ARHGEF3: variants seen among roughly 807,000 people sequenced by gnomAD.
ARHGEF3 encodes 59.8 kDA protein.
ARHGEF3 carries 28 observed loss-of-function variants against 63.2 expected under a neutral mutation model. The observed-to-expected ratio is 0.44, with a 90% CI of 0.33 to 0.61. ARHGEF3 has a LOEUF of 0.61. Among genes scored for constraint, ARHGEF3 ranks in the 20% least tolerant of loss-of-function variants. The pLI, the probability that ARHGEF3 is intolerant of heterozygous loss-of-function variation, is 0.03. For synonymous variants in ARHGEF3, 266 were observed against 254.2 expected (o/e 1.05, Z -0.44); for missense variants, 533 against 659.3 (o/e 0.81, Z 2.10).
intron 3 of ARHGEF3, among the ~76,000 whole-genome samples, chr3:56,915,069 C>A (rs778913012): frequency 1.3e-5 from 2 of 151,980 alleles, no homozygotes; most frequent in East Asian, 1.9e-4. Flanking sequence ...TGGTCATACA[C>A]AAGAGCTGGA....
At chr3:56,858,944 A>G (rs2039975093) in intron 4 of ARHGEF3, among the ~76,000 whole-genome samples, 1 of 152,168 alleles carries the variant, frequency 6.6e-6, no homozygotes, top group Non-Finnish European at 1.5e-5. Context: ...CAGCCTGCTG[A>G]ACCCTATGGA....
intron 2 of ARHGEF3, among the ~76,000 whole-genome samples, chr3:57,016,346 A>G (rs985038851): frequency 1.3e-5 from 2 of 151,114 alleles, no homozygotes; most frequent in Non-Finnish European, 2.9e-5. Context: ...GTTCAATATC[A>G]GCCTGGTCAA....
intron 2 of ARHGEF3, among the ~76,000 whole-genome samples, chr3:56,986,094 T>A (rs1253203435): frequency 6.6e-6 from 1 of 152,200 alleles, no homozygotes; most frequent in Non-Finnish European, 1.5e-5. Flanking sequence ...TTTGGGGCTC[T>A]GGAGTCTAGG....
chr3:57,066,863 C>T (rs1481188469), intron 1 of ARHGEF3, among the ~76,000 whole-genome samples: 1 of 152,170 alleles, frequency 6.6e-6, no homozygotes, highest in Non-Finnish European at 1.5e-5. Flanking sequence ...CTCACTGCAA[C>T]TCTTCCCTGG....
chr3:56,882,486 C>T, intron 3 of ARHGEF3: 1 of 656,108 alleles, frequency 1.5e-6, no homozygotes, highest in Non-Finnish European at 2.6e-6. Context: ...AACCTTTAAC[C>T]AAGCTATGTA....
chr3:56,857,442 A>C (rs6445830), intron 4 of ARHGEF3, among the ~76,000 whole-genome samples: 148,961 of 152,290 alleles, frequency 0.98, 72,936 homozygotes, highest in East Asian at 1. Context: ...AAACATATCA[A>C]CCCAGTGGCT....
At chr3:56,739,343 A>AAATAAT (rs1260190405) in intron 7 of ARHGEF3, among the ~76,000 whole-genome samples, 2 of 151,848 alleles carry the variant, frequency 1.3e-5, no homozygotes, top group African/African-American at 4.8e-5. Flanking sequence ...TCATGTCTTA[A>AAATAAT]AATAATAATA....
intron 6 of ARHGEF3, among the ~76,000 whole-genome samples, chr3:56,745,878 A>G (rs751943146): frequency 1.7e-4 from 26 of 152,160 alleles, no homozygotes; most frequent in Non-Finnish European, 3.1e-4. Context: ...TCAACGTGTT[A>G]GCCAGCATAG....
intron 3 of ARHGEF3, among the ~76,000 whole-genome samples, chr3:56,949,631 G>A (rs1301346084): frequency 1.3e-5 from 2 of 151,872 alleles, no homozygotes; most frequent in Non-Finnish European, 2.9e-5. Flanking sequence ...AAATAAAAGA[G>A]GACACAAACA....
At chr3:56,801,329 C>A (rs577051276) in intron 1 of ARHGEF3, among the ~76,000 whole-genome samples, 6 of 152,118 alleles carry the variant, frequency 3.9e-5, no homozygotes, top group Non-Finnish European at 8.8e-5. Flanking sequence ...CTGACACTTC[C>A]CTGACACTGG....
At chr3:56,912,948 G>C (rs1343588799) in intron 3 of ARHGEF3, among the ~76,000 whole-genome samples, 1 of 152,072 alleles carries the variant, frequency 6.6e-6, no homozygotes, top group East Asian at 1.9e-4. Flanking sequence ...GACGAGCCTG[G>C]GCAACATTGC....
chr3:57,021,518 G>C (rs1703257772), intron 2 of ARHGEF3, among the ~76,000 whole-genome samples: 1 of 152,100 alleles, frequency 6.6e-6, no homozygotes, highest in Non-Finnish European at 1.5e-5. Flanking sequence ...AGCACTTTGG[G>C]AGGCCGAGGC....
At chr3:56,736,954 G>A (rs971484309) in intron 8 of ARHGEF3, among the ~76,000 whole-genome samples, 2 of 152,140 alleles carry the variant, frequency 1.3e-5, no homozygotes, top group Non-Finnish European at 2.9e-5. Context: ...AATTAGCTGG[G>A]CATGGTGGTG....
chr3:56,885,812 G>A (rs1332386379), intron 3 of ARHGEF3, among the ~76,000 whole-genome samples: 1 of 152,194 alleles, frequency 6.6e-6, no homozygotes, highest in East Asian at 1.9e-4. Flanking sequence ...AAAACTGCAT[G>A]AATTATGAAA....
At chr3:57,029,539 C>T (rs910645013) in intron 2 of ARHGEF3, among the ~76,000 whole-genome samples, 1 of 152,126 alleles carries the variant, frequency 6.6e-6, no homozygotes, top group Admixed American at 6.5e-5. Flanking sequence ...TCTACAGTAG[C>T]AGATGTAGGG....
intron 1 of ARHGEF3, among the ~76,000 whole-genome samples, chr3:57,041,477 C>T (rs1404108495): frequency 3.3e-5 from 5 of 152,176 alleles, no homozygotes; most frequent in Non-Finnish European, 5.9e-5. Context: ...CATAACAACC[C>T]CACCCTAATG....
chr3:56,839,579 G>A (rs902371571), intron 4 of ARHGEF3, among the ~76,000 whole-genome samples: 4 of 152,144 alleles, frequency 2.6e-5, no homozygotes, highest in African/African-American at 9.7e-5. Context: ...CAACTTTTCT[G>A]TAAATCTAAA....
intron 2 of ARHGEF3, among the ~76,000 whole-genome samples, chr3:57,024,671 T>C (rs989726086): frequency 6.6e-6 from 1 of 152,216 alleles, no homozygotes. Flanking sequence ...GTATTTTTAG[T>C]AGAGACGGGG....
intron 2 of ARHGEF3, among the ~76,000 whole-genome samples, chr3:56,997,146 G>A (rs915149320): frequency 2.0e-5 from 3 of 151,944 alleles, no homozygotes; most frequent in Non-Finnish European, 4.4e-5. Context: ...ACAGCACTGA[G>A]GCCTGCGATG....
Sources: allele counts gnomAD v4.1 joint callset (sites outside exome capture counted in the v4.1 genomes callset), GRCh38; gene constraint gnomAD v4.1.1; transcripts MANE v1.5; gene names NCBI Gene and HGNC (gene_info 2026-07-23, HGNC 2026-07-21).